RASA3: variants seen among roughly 807,000 people sequenced by gnomAD.
RASA3 encodes the protein ras GTPase-activating protein 3.
RASA3 carries 73 observed loss-of-function variants against 110.0 expected under a neutral mutation model. That is an observed-to-expected ratio of 0.66 (90% confidence interval 0.55 to 0.81). RASA3 has a LOEUF of 0.81. Ranked by LOEUF, RASA3 falls within the 30% of genes least tolerant of loss-of-function variation. The pLI, the probability that RASA3 is intolerant of heterozygous loss-of-function variation, is 0.00. For missense variants in RASA3, 976 were observed against 1,113.2 expected (o/e 0.88, Z 1.75); for synonymous variants, 500 against 451.4 (o/e 1.11, Z -1.37).
At chr13:113,996,190 G>T (rs942822524) in intron 21 of RASA3, among the ~76,000 whole-genome samples, 1 of 152,150 alleles carries the variant, frequency 6.6e-6, no homozygotes, top group Non-Finnish European at 1.5e-5. Context: ...AGCTTTCAGG[G>T]AGGGGCTTGC....
rs192957998 is a variant in RASA3, at chr13:113,978,898, G to A, written c.*449C>T. ...GCCGAAAGCCGAGGCGGGGCCAGCA[G>A]GCCTCCCGGGCACAGAGCCACAGAG... is the stretch of plus-strand genomic sequence containing the variant. On this transcript the variant is annotated 3_prime_UTR_variant, in exon 24 of 24. Transcript: ENST00000334062. 47 of 163,278 alleles carry A rather than the reference G, an allele frequency of 2.9e-4. No individual in the cohort carries two copies. In the East Asian group the frequency reaches 4.5e-3, roughly 16 times the overall value. 10.1% of individuals were successfully genotyped at this position (163,278 alleles called of 1,614,324 possible). A position where few individuals can be genotyped will look rare whatever the true frequency, so the allele number is the denominator to read the frequency against.
chr13:114,018,002 T>C lies in RASA3; in HGVS notation c.1091+102A>G, dbSNP rs2053831339. The C allele has an allele frequency of 7.0e-6, 9 of 1,281,730 alleles. No individual in the cohort carries two copies. The South Asian group carries it at 1.5e-4, about 22-fold the overall frequency. The allele number at this position is 1,281,730 out of a possible 1,614,324, so 79.4% of individuals were successfully genotyped here. Reference sequence around the variant, plus strand: ...AACATGGTTTCTGGGGACCCTTGAATTCCCTCAAGCCCTGCCCCAGGACAC... The same window carrying C: ...AACATGGTTTCTGGGGACCCTTGAACTCCCTCAAGCCCTGCCCCAGGACAC... On this transcript the variant is annotated intron_variant, in intron 11 of 23. Coordinates refer to ENST00000334062, the MANE Select transcript of RASA3 (RefSeq NM_007368.4).
At chr13:113,990,740 T>C (rs1469162021) in intron 22 of RASA3, among the ~76,000 whole-genome samples, 1 of 152,244 alleles carries the variant, frequency 6.6e-6, no homozygotes, top group Non-Finnish European at 1.5e-5. Context: ...TGCCTGCACA[T>C]GGGCCTGCAC....
chr13:114,055,104 ATG>A (rs1455821375), intron 2 of RASA3, among the ~76,000 whole-genome samples: 5 of 151,346 alleles, frequency 3.3e-5, no homozygotes, highest in Non-Finnish European at 7.4e-5. Context: ...GTGTGCCCGT[ATG>A]TGTGTCCCCA....
chr13:114,051,351 G>A (rs1469713888), intron 3 of RASA3, among the ~76,000 whole-genome samples: 3 of 152,234 alleles, frequency 2.0e-5, no homozygotes, highest in East Asian at 1.9e-4. Flanking sequence ...GTCACGGCGG[G>A]AATTAGCCTG....
At chr13:114,041,238 G>A in intron 3 of RASA3, 144 bp from the exon 4 acceptor site, 1 of 719,896 alleles carries the variant, frequency 1.4e-6, no homozygotes, top group Non-Finnish European at 2.3e-6. Flanking sequence ...CGGGGCTCAT[G>A]CCTGGAACCC....
At chr13:114,068,988 C>T (rs543679135) in intron 2 of RASA3, among the ~76,000 whole-genome samples, 5 of 152,304 alleles carry the variant, frequency 3.3e-5, no homozygotes, top group Admixed American at 6.5e-5. Flanking sequence ...TCTCCCCAGA[C>T]GTCGGCTCAG....
rs552633929 is a variant in RASA3, at chr13:114,094,610, T to TA, written c.56-20774dup. Among the ~76,000 whole-genome samples, 15 of 152,204 alleles carry TA rather than the reference T, an allele frequency of 9.9e-5. 1 individual carries two copies. Among genetic ancestry groups the TA allele is most frequent in the East Asian group, 7.7e-4 (4 of 5,190 alleles). On this transcript the variant is annotated intron_variant, in intron 1 of 23. Coordinates refer to ENST00000334062, the MANE Select transcript of RASA3 (RefSeq NM_007368.4). ...TTCATGTTATGTGTATTTTGCAACT[T>TA]AAAAAAAACATGTTTACCTAAGTAT...
At chr13:114,058,649 C>T (rs1193264071) in intron 2 of RASA3, among the ~76,000 whole-genome samples, 2 of 152,354 alleles carry the variant, frequency 1.3e-5, no homozygotes, top group African/African-American at 4.8e-5. Flanking sequence ...CTCGCCTGCC[C>T]GACAATGCCC....
chr13:114,124,639 C>T (rs1356967358), intron 1 of RASA3, among the ~76,000 whole-genome samples: 1 of 152,244 alleles, frequency 6.6e-6, no homozygotes, highest in Non-Finnish European at 1.5e-5. Context: ...AAGGCTGGAG[C>T]CCCAAAACCT....
intron 14 of RASA3, among the ~76,000 whole-genome samples, chr13:114,013,734 GTCTCTGGCTC>G (rs2053706565): frequency 2.6e-5 from 1 of 38,290 alleles, no homozygotes; most frequent in African/African-American, 1.8e-4. Context: ...CCGTCCGTCT[GTCTCTGGCTC>G]TCTCTCTCTC....
At chr13:114,078,470 A>C (rs2079728984) in intron 1 of RASA3, among the ~76,000 whole-genome samples, 1 of 152,252 alleles carries the variant, frequency 6.6e-6, no homozygotes, top group Non-Finnish European at 1.5e-5. Context: ...CAGCCAAATA[A>C]GTAACAGTTC....
rs2079263711 is a variant in RASA3, at chr13:114,057,381, G to A, written c.174-5226C>T. 4 of 985,392 alleles carry A rather than the reference G, an allele frequency of 4.1e-6. No homozygotes were observed. The highest frequency in any genetic ancestry group is 4.8e-6 in the Non-Finnish European group (4 of 829,916). 61.0% of individuals were successfully genotyped at this position (985,392 alleles called of 1,614,324 possible). ...AGCTGGACGAGCAGAAGGCATTGCA[G>A]GGCAGTGGGGTCCGGAGAGGCGGCC... On this transcript the variant is annotated intron_variant, in intron 2 of 23. Coordinates refer to ENST00000334062, the MANE Select transcript of RASA3 (RefSeq NM_007368.4). This position sits in a 1 kb window ranked among gnomAD's most constrained non-coding sequence, Gnocchi z 5.0.
At chr13:114,041,687 G>A (rs531031908) in intron 3 of RASA3, among the ~76,000 whole-genome samples, 39 of 152,376 alleles carry the variant, frequency 2.6e-4, no homozygotes, top group Non-Finnish European at 5.4e-4. Flanking sequence ...GGTGCTTTCC[G>A]TGTGTGTGGA....
intron 1 of RASA3, among the ~76,000 whole-genome samples, chr13:114,100,623 G>A (rs1408843702): frequency 2.0e-5 from 3 of 152,214 alleles, no homozygotes; most frequent in Non-Finnish European, 4.4e-5. Context: ...CGGCTGACGT[G>A]GCTTCCATGG....
chr13:114,062,726 A>G (rs9562218), intron 2 of RASA3, among the ~76,000 whole-genome samples: 355 of 143,554 alleles, frequency 2.5e-3, no homozygotes, highest in African/African-American at 7.4e-3. Context: ...ACGCAGACTC[A>G]GACATGCGTG....
chr13:114,009,777 T>C (rs1339775094), intron 16 of RASA3, among the ~76,000 whole-genome samples: 1 of 152,174 alleles, frequency 6.6e-6, no homozygotes, highest in Non-Finnish European at 1.5e-5. Context: ...AGAGGTACGT[T>C]GGGGCCCAGA....
intron 11 of RASA3, 93 bp from the exon 12 acceptor site, chr13:114,017,444 G>A (rs1429498411): frequency 2.0e-6 from 2 of 985,304 alleles, no homozygotes; most frequent in Non-Finnish European, 3.2e-6. Flanking sequence ...CCTGTGGGCT[G>A]TGAGGTCAGT....
chr13:114,072,917 C>A (rs1167054147), intron 2 of RASA3, among the ~76,000 whole-genome samples: 2 of 137,006 alleles, frequency 1.5e-5, no homozygotes, highest in Non-Finnish European at 3.0e-5. Flanking sequence ...CAGTGATGTA[C>A]ACGCTCAGGA....
Sources: gnomAD v4.1 joint callset for allele counts (sites outside exome capture counted in the v4.1 genomes callset) on GRCh38, gnomAD v4.1.1 for gene constraint, Gnocchi (gnomAD v3.1) non-coding constraint, MANE v1.5 for transcripts, NCBI Gene and HGNC (gene_info 2026-07-23, HGNC 2026-07-21) for gene names.